The following FRMD4B variants were observed in gnomAD, a reference collection of about 807,000 sequenced individuals.
The protein encoded by FRMD4B is FERM domain containing 4B.
In FRMD4B, 74 loss-of-function variants were observed where a neutral mutation model predicts 141.5. That is an observed-to-expected ratio of 0.52 (90% CI 0.43 to 0.63). The LOEUF (loss-of-function observed/expected upper bound fraction) is 0.63, where lower values mean the gene tolerates loss of function less well. Among genes scored for constraint, FRMD4B ranks in the 30% least tolerant of loss-of-function variants. The probability of loss-of-function intolerance (pLI) is 0.00; values close to 1 mark genes in which losing one functional copy is unlikely to be tolerated. For synonymous variants in FRMD4B, 506 were observed against 467.9 expected (o/e 1.08, Z -1.05); for missense variants, 1,366 against 1,253.4 (o/e 1.09, Z -1.36).
At chr3:69,192,342 C>T (rs1005252791) in intron 17 of FRMD4B, among the ~76,000 whole-genome samples, 3 of 152,064 alleles carry the variant, frequency 2.0e-5, no homozygotes, top group African/African-American at 7.2e-5. Context: ...TACCACTGCA[C>T]TCCAGCTTGG....
intron 1 of FRMD4B, among the ~76,000 whole-genome samples, chr3:69,436,719 A>G (rs1705266769): frequency 6.6e-6 from 1 of 152,250 alleles, no homozygotes; most frequent in Non-Finnish European, 1.5e-5. Context: ...TAATGGATAA[A>G]CAAAATATGG....
intron 11 of FRMD4B, among the ~76,000 whole-genome samples, chr3:69,214,006 A>G (rs1205829742): frequency 6.6e-6 from 1 of 151,996 alleles, no homozygotes; most frequent in Non-Finnish European, 1.5e-5. Flanking sequence ...AAGAAGCCTC[A>G]ACGCCCTACT....
At position 69,386,013 on chromosome 3, in the gene FRMD4B, G is replaced by A. The variant is rs748064866; in HGVS notation, c.-24C>T. 14 of 1,545,492 alleles carry A rather than the reference G, an allele frequency of 9.1e-6. No individual in the cohort carries two copies. The highest frequency in any genetic ancestry group is 1.7e-4 in the Middle Eastern group (1 of 5,856). On this transcript the variant is annotated 5_prime_UTR_variant, in exon 1 of 23. Coordinates refer to ENST00000398540, the MANE Select transcript of FRMD4B (RefSeq NM_015123.3). ...ATGCCTCCTCCTTCGCTCTGAACCCGGGCGTCCCGGCTCTCGTACGTGCAG... is the reference window on the plus strand; with the variant it reads ...ATGCCTCCTCCTTCGCTCTGAACCCAGGCGTCCCGGCTCTCGTACGTGCAG...
upstream of FRMD4B, among the ~76,000 whole-genome samples, chr3:69,387,364 G>C (rs957622799): frequency 6.6e-6 from 1 of 152,118 alleles, no homozygotes; most frequent in African/African-American, 2.4e-5. Flanking sequence ...CAATCTTCCA[G>C]CCTCAGCCTC....
chr3:69,216,324 A>G lies in FRMD4B; in HGVS notation c.815T>C (p.Leu272Pro). ...GCCAATTCCCTTATAGCTTATTCCAAGCCACCAAGGAAGTCCTTGCTTATC... is the reference window on the plus strand; with the variant it reads ...GCCAATTCCCTTATAGCTTATTCCAGGCCACCAAGGAAGTCCTTGCTTATC... ...VKDKQGLPWW[L>P]GISYKGIGQY... Residue 272 changes from leucine (L) to proline (P), a missense_variant, in exon 11 of 23, where the codon CTT (leucine) becomes CCT (proline). Leu to Pro is a moderately conservative substitution (Grantham distance 98). Coordinates refer to ENST00000398540, the MANE Select transcript of FRMD4B (RefSeq NM_015123.3). 6.4e-7 allele frequency: 1 copy of G among 1,572,222 alleles called. No individual in the cohort carries two copies. Among genetic ancestry groups the G allele is most frequent in the Non-Finnish European group, 8.7e-7 (1 of 1,151,866 alleles).
intron 1 of FRMD4B, among the ~76,000 whole-genome samples, chr3:69,475,756 G>C (rs535156949): frequency 5.9e-4 from 85 of 144,078 alleles, no homozygotes; most frequent in Non-Finnish European, 8.4e-4. Flanking sequence ...GGTATTTCTA[G>C]TTCTAGATCC....
chr3:69,355,869 A>G (rs1703301773), intron 1 of FRMD4B, among the ~76,000 whole-genome samples: 1 of 152,080 alleles, frequency 6.6e-6, no homozygotes, highest in Non-Finnish European at 1.5e-5. Context: ...TACTACAAAT[A>G]CAAAAATTAG....
intron 1 of FRMD4B, among the ~76,000 whole-genome samples, chr3:69,319,185 T>A (rs987820801): frequency 7.2e-5 from 11 of 152,230 alleles, no homozygotes; most frequent in Admixed American, 6.5e-4. Context: ...GCACAGGAGT[T>A]CTAATGCAGT....
chr3:69,248,639 C>G (rs890463511), intron 7 of FRMD4B, among the ~76,000 whole-genome samples: 5 of 152,194 alleles, frequency 3.3e-5, no homozygotes, highest in African/African-American at 1.2e-4. Flanking sequence ...CTCTACAACT[C>G]CAACGATTGC....
intron 4 of FRMD4B, among the ~76,000 whole-genome samples, chr3:69,289,016 A>G (rs1399342009): frequency 1.3e-5 from 2 of 152,246 alleles, no homozygotes; most frequent in Non-Finnish European, 2.9e-5. Flanking sequence ...AGTTCCAGAA[A>G]GAGAACAAAT....
chr3:69,358,394 C>G (rs1411019619), intron 1 of FRMD4B, among the ~76,000 whole-genome samples: 3 of 152,070 alleles, frequency 2.0e-5, no homozygotes, highest in Non-Finnish European at 4.4e-5. Context: ...TTTGAATGTC[C>G]CCACTAAAAC....
upstream of FRMD4B, among the ~76,000 whole-genome samples, chr3:69,388,747 G>T (rs2106714503): frequency 6.6e-6 from 1 of 152,272 alleles, no homozygotes; most frequent in South Asian, 2.1e-4. Flanking sequence ...CTGGTGAAGG[G>T]TAAGCATCCA....
chr3:69,276,544 T>C (rs1172080450), intron 5 of FRMD4B, among the ~76,000 whole-genome samples: 1 of 152,146 alleles, frequency 6.6e-6, no homozygotes, highest in Non-Finnish European at 1.5e-5. Context: ...CAAAGTACCA[T>C]GCCCGACCTT....
chr3:69,332,348 G>A (rs1027891224), intron 1 of FRMD4B, among the ~76,000 whole-genome samples: 5 of 152,060 alleles, frequency 3.3e-5, no homozygotes, highest in East Asian at 1.9e-4. Context: ...ACTTTACAAG[G>A]AGTCTCAATG....
chr3:69,195,089 G>A lies in FRMD4B; in HGVS notation c.1421C>T (p.Pro474Leu), dbSNP rs1290859582. The A allele has an allele frequency of 2.5e-6, 4 of 1,613,694 alleles. No individual in the cohort carries two copies. The highest frequency in any genetic ancestry group is 2.7e-5 in the African/African-American group (2 of 74,906). The change falls in exon 16 of 23, where the codon CCT (proline) becomes CTT (leucine). Residue 474 changes from proline (P) to leucine (L), a missense_variant. Coordinates refer to ENST00000398540, the MANE Select transcript of FRMD4B (RefSeq NM_015123.3). ...KEYPLNIGEK[P>L]PQVRRRVGTA... ...ACCCACACGTCTTCTGACCTGAGGA[G>A]GCTTCTCGCCTATGTTCAGGGGATA...
chr3:69,423,379 C>A (rs1248393633), intron 2 of FRMD4B, among the ~76,000 whole-genome samples: 1 of 151,062 alleles, frequency 6.6e-6, no homozygotes, highest in Admixed American at 6.6e-5. Context: ...TTGAGTCACC[C>A]AATGCTCCTG....
At chr3:69,182,070 C>CTAGA (rs2092714192) in intron 20 of FRMD4B, among the ~76,000 whole-genome samples, 1 of 152,070 alleles carries the variant, frequency 6.6e-6, no homozygotes, top group African/African-American at 2.4e-5. Flanking sequence ...TCCTGTCTTC[C>CTAGA]TAGAGGATAT....
chr3:69,369,610 T>C (rs1047030295), intron 1 of FRMD4B, among the ~76,000 whole-genome samples: 1 of 152,022 alleles, frequency 6.6e-6, no homozygotes, highest in African/African-American at 2.4e-5. Context: ...CACTAAAAAA[T>C]AAAAAAATCT....
chr3:69,277,326 G>C (rs58315705), intron 5 of FRMD4B, among the ~76,000 whole-genome samples: 3,138 of 152,070 alleles, frequency 0.021, 117 homozygotes, highest in African/African-American at 0.071. Flanking sequence ...AACTGATTTG[G>C]TACTCAGGTC....
Sources: gnomAD v4.1 joint callset for allele counts (sites outside exome capture counted in the v4.1 genomes callset) on GRCh38, gnomAD v4.1.1 for gene constraint, MANE v1.5 for transcripts, NCBI Gene and HGNC (gene_info 2026-07-23, HGNC 2026-07-21) for gene names.